Variants in NCAM2 observed in about 807,000 individuals in gnomAD.
NCAM2 encodes the protein N-CAM-2.
Under a neutral mutation model 98.1 loss-of-function variants are expected in NCAM2, and 30 were observed. That is an observed-to-expected ratio of 0.31 (90% CI 0.23 to 0.41). NCAM2 has a LOEUF of 0.41. NCAM2 is among the 10% of genes least tolerant of loss of function. The pLI is 1.00. For synonymous variants in NCAM2, 368 were observed against 342.4 expected (o/e 1.07, Z -0.83); for missense variants, 867 against 1,005.8 (o/e 0.86, Z 1.87).
At chr21:21,230,364 T>C (rs2070573414) in intron 1 of NCAM2, among the ~76,000 whole-genome samples, 1 of 151,240 alleles carries the variant, frequency 6.6e-6, no homozygotes, top group Admixed American at 6.6e-5. Flanking sequence ...TTGATTTTAA[T>C]GTCCTGTATA....
chr21:21,244,246 T>C (rs2071176657), intron 1 of NCAM2, among the ~76,000 whole-genome samples: 1 of 152,072 alleles, frequency 6.6e-6, no homozygotes, highest in African/African-American at 2.4e-5. Flanking sequence ...AAAGGAAACC[T>C]TTTGTTGCTC....
At chr21:21,333,957 T>C (rs1488739469) in intron 6 of NCAM2, among the ~76,000 whole-genome samples, 1 of 152,014 alleles carries the variant, frequency 6.6e-6, no homozygotes, top group East Asian at 1.9e-4. Flanking sequence ...TATATGCATT[T>C]ATTATTATTT....
intron 1 of NCAM2, among the ~76,000 whole-genome samples, chr21:21,005,908 A>G (rs1307357671): frequency 6.6e-6 from 1 of 152,126 alleles, no homozygotes. Context: ...GAGGAAAAAA[A>G]GAACTAATAT....
intron 1 of NCAM2, among the ~76,000 whole-genome samples, chr21:21,189,597 T>A (rs1191423017): frequency 1.3e-5 from 2 of 152,088 alleles, no homozygotes; most frequent in African/African-American, 4.8e-5. Flanking sequence ...ATTCCAGACT[T>A]GATTTTAGCA....
intron 1 of NCAM2, among the ~76,000 whole-genome samples, chr21:21,248,355 AT>A (rs2071355090): frequency 6.6e-6 from 1 of 152,030 alleles, no homozygotes; most frequent in South Asian, 2.1e-4. Context: ...AAATAATTTC[AT>A]TTTGATTATC....
At chr21:21,130,309 G>C (rs1339265746) in intron 1 of NCAM2, among the ~76,000 whole-genome samples, 1 of 151,960 alleles carries the variant, frequency 6.6e-6, no homozygotes, top group Non-Finnish European at 1.5e-5. Flanking sequence ...TGTTCATCTG[G>C]GGAAATTAAT....
intron 1 of NCAM2, among the ~76,000 whole-genome samples, chr21:21,250,610 A>G (rs895710077): frequency 1.3e-4 from 20 of 152,178 alleles, no homozygotes; most frequent in African/African-American, 4.1e-4. Context: ...CTAAGTGTGA[A>G]TGGTTTCGCA....
Position 21,285,049 on chromosome 21 carries a change from C to T in NCAM2, c.337+649C>T, listed in dbSNP as rs565542300. Among the ~76,000 whole-genome samples the T allele has an allele frequency of 4.6e-5, 7 of 151,830 alleles. No individual in the cohort carries two copies. The South Asian group carries it at 1.5e-3, about 31-fold the overall frequency. On this transcript the variant is annotated intron_variant, in intron 3 of 17. Transcript: ENST00000400546. ...TAAAGCAAGCTATCCCAATTACTTT[C>T]GTGACCTTGAGCAAATCATGTAACC...
At position 21,316,661 on chromosome 21, in the gene NCAM2, A is replaced by G. The variant is rs544406111; in HGVS notation, c.620-7722A>G. Among the ~76,000 whole-genome samples, 3 of 148,288 alleles carry G rather than the reference A, an allele frequency of 2.0e-5. No individual in the cohort carries two copies. The East Asian group carries it at 6.0e-4, about 30-fold the overall frequency. On this transcript the variant is annotated intron_variant, in intron 5 of 17. Coordinates refer to ENST00000400546, the MANE Select transcript of NCAM2 (RefSeq NM_004540.5). ...CAGGTTCAAGTGATTCTCCTGCCTC[A>G]GCCTCCCAAGTTGCTGGCATTACAG...
Position 21,140,153 on chromosome 21 carries a change from C to T in NCAM2, c.56-140425C>T, listed in dbSNP as rs975983476. 2.0e-5 allele frequency among the ~76,000 whole-genome samples: 3 copies of T among 152,182 alleles called. No homozygotes were observed. The South Asian group carries it at 6.2e-4, about 32-fold the overall frequency. ...ATAAAATTAAGATCCATTTTTAAGT[C>T]ATTACAATTGGTATCATGTTATTGC... On this transcript the variant is annotated intron_variant, in intron 1 of 17. Coordinates refer to ENST00000400546, the MANE Select transcript of NCAM2 (RefSeq NM_004540.5).
chr21:21,333,967 T>A (rs777589393), intron 6 of NCAM2, among the ~76,000 whole-genome samples: 22 of 152,190 alleles, frequency 1.4e-4, no homozygotes, highest in African/African-American at 1.4e-4. Flanking sequence ...TATTATTATT[T>A]TTTTTTTCGG....
chr21:21,304,622 C>T (rs2073825339), intron 5 of NCAM2, among the ~76,000 whole-genome samples: 1 of 152,014 alleles, frequency 6.6e-6, no homozygotes, highest in Non-Finnish European at 1.5e-5. Context: ...TAGAATCAAG[C>T]TTTCAATTTT....
At chr21:21,314,207 G>A (rs2074147010) in intron 5 of NCAM2, among the ~76,000 whole-genome samples, 2 of 151,980 alleles carry the variant, frequency 1.3e-5, no homozygotes, top group South Asian at 4.1e-4. Context: ...TTTGTATCAG[G>A]TCTGCTGGTA....
At chr21:21,189,727 G>C (rs2068756632) in intron 1 of NCAM2, among the ~76,000 whole-genome samples, 1 of 152,134 alleles carries the variant, frequency 6.6e-6, no homozygotes. Flanking sequence ...ATAAAGTGAT[G>C]AATTTGTTGG....
At chr21:21,519,238 T>G (rs539829580) in intron 16 of NCAM2, among the ~76,000 whole-genome samples, 1 of 152,226 alleles carries the variant, frequency 6.6e-6, no homozygotes, top group African/African-American at 2.4e-5. Context: ...TAGAAGAGTT[T>G]TAAGAAGATG....
intron 1 of NCAM2, among the ~76,000 whole-genome samples, chr21:21,137,590 C>T (rs1414458095): frequency 3.9e-5 from 6 of 152,110 alleles, no homozygotes; most frequent in Non-Finnish European, 8.8e-5. Flanking sequence ...GAAACCCTGT[C>T]TCTACTAAAA....
In NCAM2 at chr21:21,201,835, G is replaced by T. The variant is rs2069235725; in HGVS notation, c.56-78743G>T. ...AATGGTCTCTGGACTTACAGCTTCA[G>T]CATCATCTGGGGAATTTTTAGAAAT... On this transcript the variant is annotated intron_variant, in intron 1 of 17. Transcript: ENST00000400546. Among the ~76,000 whole-genome samples the T allele has an allele frequency of 5.9e-5, 9 of 152,140 alleles. No individual in the cohort carries two copies. The South Asian group carries it at 1.9e-3, about 32-fold the overall frequency.
intron 1 of NCAM2, among the ~76,000 whole-genome samples, chr21:21,059,620 A>G (rs1461310545): frequency 1.3e-5 from 2 of 152,112 alleles, no homozygotes; most frequent in African/African-American, 4.8e-5. Context: ...TACAAGCCAC[A>G]TTTTATTGAC....
intron 1 of NCAM2, among the ~76,000 whole-genome samples, chr21:20,999,386 C>T (rs2063978401): frequency 6.6e-6 from 1 of 151,616 alleles, no homozygotes; most frequent in African/African-American, 2.4e-5. Context: ...GTAGAATAAC[C>T]TGAGAGGGAA....
Sources: gnomAD v4.1 joint callset for allele counts (sites outside exome capture counted in the v4.1 genomes callset) on GRCh38, gnomAD v4.1.1 for gene constraint, MANE v1.5 for transcripts, NCBI Gene and HGNC (gene_info 2026-07-23, HGNC 2026-07-21) for gene names.